Variants in DPP6 observed in about 807,000 individuals in gnomAD.
DPP6 encodes the protein A-type potassium channel modulatory protein DPP6.
A neutral mutation model predicts 122.6 loss-of-function variants in DPP6; 69 were observed. That is an observed-to-expected ratio of 0.56 (90% CI 0.46 to 0.69). The LOEUF is 0.69. Ranked by LOEUF, DPP6 falls within the 30% of genes least tolerant of loss-of-function variation. The pLI, the probability that DPP6 is intolerant of heterozygous loss-of-function variation, is 0.00. For missense variants in DPP6, 928 were observed against 1,116.9 expected (o/e 0.83, Z 2.41); for synonymous variants, 418 against 433.1 (o/e 0.97, Z 0.43).
chr7:154,335,958 A>G (rs1348029229), intron 1 of DPP6, among the ~76,000 whole-genome samples: 3 of 152,146 alleles, frequency 2.0e-5, no homozygotes, highest in Non-Finnish European at 4.4e-5. Context: ...TGTGGGCTCC[A>G]TGAAAGCGGT....
intron 5 of DPP6, among the ~76,000 whole-genome samples, chr7:154,569,331 T>G (rs577395479): frequency 3.3e-5 from 5 of 152,032 alleles, no homozygotes; most frequent in Non-Finnish European, 5.9e-5. Flanking sequence ...TATAATCAAT[T>G]AAAAATATTA....
At chr7:154,266,219 A>G (rs1803409588) in intron 1 of DPP6, among the ~76,000 whole-genome samples, 1 of 152,180 alleles carries the variant, frequency 6.6e-6, no homozygotes, top group Non-Finnish European at 1.5e-5. Flanking sequence ...TAAATGAATG[A>G]ACATATAAAA....
chr7:154,023,318 GCACACACACACACACA>G (rs1554436897), intron 1 of DPP6, among the ~76,000 whole-genome samples: 5 of 129,618 alleles, frequency 3.9e-5, no homozygotes, highest in South Asian at 2.7e-4. Context: ...TTTCTTGTCT[GCACACACACACACACA>G]CACACACACA....
chr7:154,052,264 C>T (rs1800395624), upstream of DPP6, among the ~76,000 whole-genome samples: 1 of 152,064 alleles, frequency 6.6e-6, no homozygotes. The surrounding 1 kb of genome is among the most constrained non-coding windows in gnomAD (Gnocchi z 4.8). Flanking sequence ...GTGCCCTCTC[C>T]GGGCTGCCAA....
chr7:154,166,871 A>G (rs1383021792), intron 1 of DPP6, among the ~76,000 whole-genome samples: 1 of 148,734 alleles, frequency 6.7e-6, no homozygotes, highest in East Asian at 1.9e-4. Flanking sequence ...AGATTGCATC[A>G]CTACACTCTA....
chr7:154,560,032 A>G (rs1316205980), intron 4 of DPP6, among the ~76,000 whole-genome samples: 1 of 150,688 alleles, frequency 6.6e-6, no homozygotes, highest in Non-Finnish European at 1.5e-5. Flanking sequence ...ATCAGACAGT[A>G]TTTATTGGCC....
At chr7:154,169,294 A>G (rs1422746500) in intron 1 of DPP6, among the ~76,000 whole-genome samples, 1 of 152,082 alleles carries the variant, frequency 6.6e-6, no homozygotes, top group African/African-American at 2.4e-5. Context: ...ATACAGTCCT[A>G]AGGGTCCTAA....
chr7:154,374,963 A>G (rs1157928410), intron 1 of DPP6, among the ~76,000 whole-genome samples: 1 of 152,152 alleles, frequency 6.6e-6, no homozygotes, highest in African/African-American at 2.4e-5. Context: ...AGTACTCATT[A>G]TGTGACAGAC....
intron 1 of DPP6, among the ~76,000 whole-genome samples, chr7:154,406,634 G>A (rs1171495054): frequency 6.6e-6 from 1 of 152,164 alleles, no homozygotes; most frequent in East Asian, 1.9e-4. Context: ...TGAATCATGA[G>A]TAGACCTCTA....
intron 1 of DPP6, among the ~76,000 whole-genome samples, chr7:154,313,200 G>A (rs1807058206): frequency 6.6e-6 from 1 of 152,132 alleles, no homozygotes; most frequent in Admixed American, 6.5e-5. Context: ...GGAGAGCCAA[G>A]GTAGGGGGAA....
At chr7:153,846,856 C>A in the DPP6 span, among the ~76,000 whole-genome samples, 4 of 152,052 alleles carry the variant, frequency 2.6e-5, no homozygotes, top group African/African-American at 9.7e-5. Context: ...CCACGCCTGG[C>A]TAATTTCTTT....
intron 1 of DPP6, among the ~76,000 whole-genome samples, chr7:154,274,046 G>T (rs145727125): frequency 6.6e-6 from 1 of 152,190 alleles, no homozygotes; most frequent in Non-Finnish European, 1.5e-5. Context: ...TACCATATGG[G>T]AACTGTGAGC....
intron 1 of DPP6, among the ~76,000 whole-genome samples, chr7:154,035,749 C>T (rs1462688069): frequency 5.9e-5 from 9 of 152,196 alleles, no homozygotes; most frequent in Non-Finnish European, 1.0e-4. Flanking sequence ...AATCTTGTCT[C>T]ATCCACAGAA....
chr7:154,346,634 C>T (rs896296804), intron 1 of DPP6, among the ~76,000 whole-genome samples: 1 of 152,116 alleles, frequency 6.6e-6, no homozygotes, highest in Non-Finnish European at 1.5e-5. Context: ...ATTGGGACCC[C>T]CCCTGTGTCT....
chr7:154,277,976 C>T (rs1229444048), intron 1 of DPP6, among the ~76,000 whole-genome samples: 2 of 152,108 alleles, frequency 1.3e-5, no homozygotes, highest in Non-Finnish European at 1.5e-5. Flanking sequence ...GGCAGGTGCA[C>T]GGCTTTGCCC....
chr7:154,359,190 G>GC (rs1224609197), intron 1 of DPP6, among the ~76,000 whole-genome samples: 1 of 152,190 alleles, frequency 6.6e-6, no homozygotes, highest in African/African-American at 2.4e-5. Context: ...TCTGGGACAA[G>GC]CCCCCTGCGT....
the DPP6 span, among the ~76,000 whole-genome samples, chr7:153,851,264 C>T: frequency 1.3e-5 from 2 of 152,168 alleles, no homozygotes; most frequent in East Asian, 1.9e-4. Context: ...CAATTATTTG[C>T]CTTAAAACTA....
intron 1 of DPP6, among the ~76,000 whole-genome samples, chr7:154,121,975 AT>A (rs1807506971): frequency 6.6e-6 from 1 of 152,252 alleles, no homozygotes; most frequent in Non-Finnish European, 1.5e-5. Context: ...GACTGACTAC[AT>A]TTCTCACAAT....
intron 1 of DPP6, among the ~76,000 whole-genome samples, chr7:154,352,685 G>A (rs1183265516): frequency 2.0e-5 from 3 of 151,874 alleles, no homozygotes; most frequent in Non-Finnish European, 2.9e-5. Context: ...GGGGGTGTGG[G>A]GTAAGGGGAG....
Sources: gnomAD v4.1 joint callset for allele counts (sites outside exome capture counted in the v4.1 genomes callset) on GRCh38, gnomAD v4.1.1 for gene constraint, Gnocchi (gnomAD v3.1) non-coding constraint, MANE v1.5 for transcripts, NCBI Gene and HGNC (gene_info 2026-07-23, HGNC 2026-07-21) for gene names.